Variants in TCAIM observed in about 807,000 individuals in gnomAD.
TCAIM encodes the protein T cell activation inhibitor, mitochondrial, also known as T-cell activation inhibitor, mitochondrial.
A neutral mutation model predicts 58.6 loss-of-function variants in TCAIM; 36 were observed. The observed-to-expected ratio is 0.61, with a 90% CI of 0.47 to 0.81. TCAIM has a LOEUF of 0.81. Among genes scored for constraint, TCAIM ranks in the 30% least tolerant of loss-of-function variants. The pLI is 0.00. For synonymous variants in TCAIM, 172 were observed against 193.6 expected, an observed-to-expected ratio of 0.89 and a Z score of 0.93; for missense variants, 466 against 579.6, an observed-to-expected ratio of 0.80 and a Z score of 2.01.
chr3:44,359,654 G>C (rs1575247174), intron 3 of TCAIM: 1 of 152,158 alleles, frequency 6.6e-6, no homozygotes, highest in Non-Finnish European at 1.5e-5. Flanking sequence ...TTGCTGGGGG[G>C]ATTAAGCACT....
At chr3:44,375,450 A>G (rs1235063747) in intron 5 of TCAIM, among the ~76,000 whole-genome samples, 5 of 152,232 alleles carry the variant, frequency 3.3e-5, no homozygotes, top group Admixed American at 2.0e-4. Flanking sequence ...ATTTTTAGCA[A>G]TCAGATCTTA....
At chr3:44,390,269 A>T (rs1701813188) in intron 5 of TCAIM, among the ~76,000 whole-genome samples, 1 of 152,226 alleles carries the variant, frequency 6.6e-6, no homozygotes, top group Non-Finnish European at 1.5e-5. Flanking sequence ...AACATCTAAA[A>T]CATTTAAAGT....
At chr3:44,390,590 T>C (rs551824655) in intron 5 of TCAIM, among the ~76,000 whole-genome samples, 13 of 152,152 alleles carry the variant, frequency 8.5e-5, no homozygotes, top group Non-Finnish European at 1.0e-4. Context: ...ACCAACCTAT[T>C]CCAGCCTGGG....
intron 1 of TCAIM, among the ~76,000 whole-genome samples, chr3:44,349,274 A>G (rs1455248032): frequency 6.6e-6 from 1 of 152,178 alleles, no homozygotes; most frequent in Admixed American, 6.5e-5. Context: ...ATCTCAGACC[A>G]TTTGCCCATT....
At chr3:44,366,691 C>T (rs1701383552) in intron 4 of TCAIM, among the ~76,000 whole-genome samples, 1 of 151,874 alleles carries the variant, frequency 6.6e-6, no homozygotes, top group Non-Finnish European at 1.5e-5. Context: ...TAGTCTCGAT[C>T]TCCTGACCTT....
Position 44,401,216 on chromosome 3 carries a change from C to G in TCAIM, c.1132C>G (p.Pro378Ala), listed in dbSNP as rs1702017150. ...QMILNSDRYA[P>A]SLHELGHFNI... ...ATTTTATTGCAGTGACAGATATGCT[C>G]CAAGCTTGCATGAACTCGGGCATTT... Residue 378 changes from proline to alanine, a missense_variant, in exon 10 of 11, where the codon CCA becomes GCA. Pro to Ala is a conservative substitution (Grantham distance 27). Coordinates refer to ENST00000342649, the MANE Select transcript of TCAIM (RefSeq NM_173826.4). 1 of 1,613,756 alleles carries G rather than the reference C, an allele frequency of 6.2e-7. No individual in the cohort carries two copies. Among genetic ancestry groups the G allele is most frequent in the Non-Finnish European group, 8.5e-7 (1 of 1,179,956 alleles).
intron 5 of TCAIM, among the ~76,000 whole-genome samples, chr3:44,386,897 AC>A (rs1701752155): frequency 6.6e-6 from 1 of 151,842 alleles, no homozygotes; most frequent in Admixed American, 6.6e-5. Context: ...CCCTGATGAA[AC>A]CCCACCTTCA....
intron 3 of TCAIM, among the ~76,000 whole-genome samples, 165 bp downstream of exon 3, chr3:44,358,041 CT>C (rs1254154307): frequency 6.6e-6 from 1 of 151,960 alleles, no homozygotes; most frequent in Non-Finnish European, 1.5e-5. Flanking sequence ...GAAAATAGAG[CT>C]TTTTTTATGA....
intron 3 of TCAIM, chr3:44,359,120 G>T (rs932195320): frequency 2.4e-5 from 23 of 975,842 alleles, no homozygotes; most frequent in Non-Finnish European, 2.7e-5. Flanking sequence ...GGGCATGGTG[G>T]CACACCTGTA....
chr3:44,398,336 AGGAGAATCATTTGAACCCGGGAGAC>A (rs1701968232), intron 8 of TCAIM, among the ~76,000 whole-genome samples: 1 of 152,174 alleles, frequency 6.6e-6, no homozygotes, highest in South Asian at 2.1e-4. Context: ...AGGCTGAGGC[AGGAGAATCATTTGAACCCGGGAGAC>A]GGAAGTTGCA....
chr3:44,358,622 A>C, intron 3 of TCAIM: 1 of 395,110 alleles, frequency 2.5e-6, no homozygotes, highest in Non-Finnish European at 3.5e-6. Flanking sequence ...CACATAGGTT[A>C]TTTGCAAATA....
intron 5 of TCAIM, among the ~76,000 whole-genome samples, chr3:44,370,342 G>C (rs2125639178): frequency 6.6e-6 from 1 of 151,932 alleles, no homozygotes; most frequent in East Asian, 1.9e-4. Flanking sequence ...TGTAGTCCCA[G>C]CTACTCAAGA....
intron 5 of TCAIM, among the ~76,000 whole-genome samples, chr3:44,375,070 T>G (rs1701543432): frequency 6.6e-6 from 1 of 152,196 alleles, no homozygotes; most frequent in Admixed American, 6.5e-5. Flanking sequence ...CTGGCATTCA[T>G]TTTTATATAC....
chr3:44,403,876 G>T (rs111600880), intron 10 of TCAIM, among the ~76,000 whole-genome samples: 2 of 152,044 alleles, frequency 1.3e-5, no homozygotes, highest in African/African-American at 4.8e-5. Flanking sequence ...CTCTTGTCTG[G>T]TCTTCAGGCT....
intron 6 of TCAIM, among the ~76,000 whole-genome samples, chr3:44,395,880 G>A (rs1055056944): frequency 1.3e-5 from 2 of 152,158 alleles, no homozygotes; most frequent in African/African-American, 2.4e-5. Flanking sequence ...CCAGCTACTC[G>A]TGAGGCTGAG....
intron 1 of TCAIM, among the ~76,000 whole-genome samples, 191 bp downstream of exon 1, chr3:44,339,025 A>T (rs552053668): frequency 6.6e-6 from 1 of 152,240 alleles, no homozygotes; most frequent in East Asian, 1.9e-4. Flanking sequence ...CGCAAAGACG[A>T]TTTAGGTTTT....
At chr3:44,342,838 T>G (rs988345608) in intron 1 of TCAIM, among the ~76,000 whole-genome samples, 2 of 152,004 alleles carry the variant, frequency 1.3e-5, no homozygotes, top group African/African-American at 2.4e-5. Context: ...CTGATTCACA[T>G]TAAATAAACA....
chr3:44,386,558 G>A (rs1701746089), intron 5 of TCAIM, among the ~76,000 whole-genome samples: 1 of 152,198 alleles, frequency 6.6e-6, no homozygotes, highest in Non-Finnish European at 1.5e-5. Flanking sequence ...AGGGGCCTGG[G>A]AACCCCCACC....
intron 5 of TCAIM, among the ~76,000 whole-genome samples, chr3:44,392,367 G>A (rs1450167043): frequency 6.6e-6 from 1 of 152,026 alleles, no homozygotes; most frequent in Non-Finnish European, 1.5e-5. Context: ...ACATGTGTAG[G>A]TTTGTTATAT....
Sources: gnomAD v4.1 joint callset for allele counts (sites outside exome capture counted in the v4.1 genomes callset) on GRCh38, gnomAD v4.1.1 for gene constraint, MANE v1.5 for transcripts, NCBI Gene and HGNC (gene_info 2026-07-23, HGNC 2026-07-21) for gene names.